DPYD: variants seen among roughly 807,000 people sequenced by gnomAD.
The protein encoded by DPYD is dihydropyrimidine dehydrogenase [NADP(+)].
DPYD carries 109 observed loss-of-function variants against 116.2 expected under a neutral mutation model. That is an observed-to-expected ratio of 0.94 (90% confidence interval 0.80 to 1.10). The LOEUF is 1.10. DPYD is among the 50% of genes least tolerant of loss of function. The pLI is 0.00. For missense variants in DPYD, 1,302 were observed against 1,254.5 expected (o/e 1.04, Z -0.57); for synonymous variants, 440 against 432.0 (o/e 1.02, Z -0.23).
chr1:97,865,506 T>C (rs2101603287), intron 2 of DPYD, among the ~76,000 whole-genome samples: 1 of 152,092 alleles, frequency 6.6e-6, no homozygotes, highest in South Asian at 2.1e-4. Flanking sequence ...CATTTTCTTA[T>C]TGCATCTTGT....
intron 19 of DPYD, among the ~76,000 whole-genome samples, chr1:97,215,931 G>A (rs1557945079): frequency 6.6e-6 from 1 of 152,196 alleles, no homozygotes. Flanking sequence ...ACAGAAGAGA[G>A]GATCAGATCA....
At chr1:97,251,134 T>G (rs935431001) in intron 18 of DPYD, among the ~76,000 whole-genome samples, 3 of 152,060 alleles carry the variant, frequency 2.0e-5, no homozygotes, top group African/African-American at 7.2e-5. Context: ...CGGTGGCTCA[T>G]GTCTGTAATT....
At chr1:97,480,082 G>T (rs962715343) in intron 13 of DPYD, among the ~76,000 whole-genome samples, 1 of 152,084 alleles carries the variant, frequency 6.6e-6, no homozygotes, top group Non-Finnish European at 1.5e-5. Context: ...AGCATTAAAT[G>T]CTAGAAAGCA....
At chr1:97,137,275 A>C (rs1289854750) in intron 20 of DPYD, among the ~76,000 whole-genome samples, 2 of 152,370 alleles carry the variant, frequency 1.3e-5, no homozygotes, top group African/African-American at 4.8e-5. Context: ...TGCTTTCAGC[A>C]TATTCAGTCA....
chr1:97,879,117 T>C (rs1284037165), intron 2 of DPYD, among the ~76,000 whole-genome samples: 1 of 152,010 alleles, frequency 6.6e-6, no homozygotes, highest in African/African-American at 2.4e-5. Context: ...GAACTGTGAA[T>C]AGGTTTCTTA....
chr1:97,615,957 C>A (rs139933162), intron 8 of DPYD, among the ~76,000 whole-genome samples: 1 of 152,178 alleles, frequency 6.6e-6, no homozygotes, highest in Non-Finnish European at 1.5e-5. Context: ...TGCCTGGCTT[C>A]CATTTACCTT....
chr1:97,267,498 G>A (rs1164128234), intron 18 of DPYD, among the ~76,000 whole-genome samples: 2 of 152,128 alleles, frequency 1.3e-5, no homozygotes, highest in African/African-American at 4.8e-5. Flanking sequence ...CCTGCATCTG[G>A]TGAGAGCCTT....
At chr1:97,676,624 ATAAG>A (rs1660158490) in intron 8 of DPYD, among the ~76,000 whole-genome samples, 1 of 152,354 alleles carries the variant, frequency 6.6e-6, no homozygotes, top group African/African-American at 2.4e-5. Context: ...GGTAGATAAA[ATAAG>A]TGAGTAATGT....
chr1:97,219,536 A>G (rs1036424209), intron 19 of DPYD, among the ~76,000 whole-genome samples: 1 of 152,200 alleles, frequency 6.6e-6, no homozygotes, highest in Non-Finnish European at 1.5e-5. Flanking sequence ...TGAGTTGATA[A>G]AGGCACATTT....
At chr1:97,499,486 T>C (rs535283702) in intron 13 of DPYD, among the ~76,000 whole-genome samples, 29 of 151,934 alleles carry the variant, frequency 1.9e-4, no homozygotes, top group African/African-American at 6.5e-4. Flanking sequence ...GCAAAGACAT[T>C]TCAGAGACTG....
chr1:97,129,359 C>T (rs2101663099), intron 20 of DPYD, among the ~76,000 whole-genome samples: 1 of 152,160 alleles, frequency 6.6e-6, no homozygotes, highest in East Asian at 1.9e-4. Flanking sequence ...AGCCACCACA[C>T]CCGGTCCTGC....
intron 3 of DPYD, among the ~76,000 whole-genome samples, chr1:97,744,602 G>A (rs1664444535): frequency 6.6e-6 from 1 of 151,950 alleles, no homozygotes; most frequent in South Asian, 2.1e-4. Flanking sequence ...ATGGCATTAA[G>A]CAAGAAAGTA....
At chr1:97,909,701 T>C (rs1192177696) in intron 1 of DPYD, among the ~76,000 whole-genome samples, 2 of 152,076 alleles carry the variant, frequency 1.3e-5, no homozygotes, top group Non-Finnish European at 1.5e-5. Context: ...TCTTCTCCTC[T>C]TCTTAATGCC....
At chr1:97,740,693 A>C (rs56156749) in intron 3 of DPYD, among the ~76,000 whole-genome samples, 1 of 152,142 alleles carries the variant, frequency 6.6e-6, no homozygotes, top group Non-Finnish European at 1.5e-5. Flanking sequence ...GCTGGCTAGT[A>C]ACTGTCCCTC....
chr1:97,221,607 TCTAA>T (rs1660777733), intron 19 of DPYD, among the ~76,000 whole-genome samples: 3 of 152,078 alleles, frequency 2.0e-5, no homozygotes, highest in Non-Finnish European at 4.4e-5. Flanking sequence ...TTTCTAGATC[TCTAA>T]CTTAGTACCA....
At chr1:97,608,906 T>C (rs1478880667) in intron 8 of DPYD, among the ~76,000 whole-genome samples, 1 of 151,900 alleles carries the variant, frequency 6.6e-6, no homozygotes, top group Non-Finnish European at 1.5e-5. Flanking sequence ...AGTTGCTGTT[T>C]AGAAACTATT....
chr1:97,905,677 G>A (rs1047368691), intron 1 of DPYD, among the ~76,000 whole-genome samples: 24 of 151,954 alleles, frequency 1.6e-4, no homozygotes, highest in Non-Finnish European at 2.8e-4. Flanking sequence ...TGGATTAGAC[G>A]CCATTCATAC....
chr1:97,119,771 T>A (rs933336344), intron 20 of DPYD, among the ~76,000 whole-genome samples: 1 of 152,096 alleles, frequency 6.6e-6, no homozygotes. Flanking sequence ...CCACCTGCCA[T>A]CCATTATTCC....
At chr1:97,730,559 T>C (rs896615751) in intron 4 of DPYD, among the ~76,000 whole-genome samples, 1 of 152,006 alleles carries the variant, frequency 6.6e-6, no homozygotes, top group East Asian at 1.9e-4. Context: ...AAAATCTCTA[T>C]AAAAGGCAAA....
Sources: allele counts gnomAD v4.1 joint callset (sites outside exome capture counted in the v4.1 genomes callset), GRCh38; gene constraint gnomAD v4.1.1; transcripts MANE v1.5; gene names NCBI Gene and HGNC (gene_info 2026-07-23, HGNC 2026-07-21).